DCC: variants seen among roughly 807,000 people sequenced by gnomAD.
DCC encodes netrin receptor DCC.
In DCC, 58 loss-of-function variants were observed where a neutral mutation model predicts 172.5. The ratio of observed to expected loss-of-function variants is 0.34; its 90% CI spans 0.27 to 0.42. The LOEUF (loss-of-function observed/expected upper bound fraction) is 0.42. Ranked by LOEUF, DCC falls within the 10% of genes least tolerant of loss-of-function variation. The probability of loss-of-function intolerance (pLI) is 1.00; values close to 1 mark genes in which losing one functional copy is unlikely to be tolerated. For missense variants in DCC, 1,740 were observed against 1,791.0 expected, an observed-to-expected ratio of 0.97 and a Z score of 0.51; for synonymous variants, 709 against 644.5, an observed-to-expected ratio of 1.10 and a Z score of -1.52.
chr18:53,199,562 T>C (rs2055503277), intron 9 of DCC, among the ~76,000 whole-genome samples: 2 of 151,794 alleles, frequency 1.3e-5, no homozygotes, highest in South Asian at 4.2e-4. Flanking sequence ...TATACATATC[T>C]TCATAATTAA....
intron 1 of DCC, among the ~76,000 whole-genome samples, chr18:52,479,745 A>G (rs1405913862): frequency 6.6e-6 from 1 of 152,282 alleles, no homozygotes; most frequent in Non-Finnish European, 1.5e-5. Context: ...CTGTACCAAC[A>G]TGGCTAGAAT....
chr18:53,181,008 A>G (rs963647274), intron 9 of DCC, among the ~76,000 whole-genome samples: 1 of 152,202 alleles, frequency 6.6e-6, no homozygotes, highest in Non-Finnish European at 1.5e-5. Context: ...TTTTGATTAA[A>G]AGCAAATTAG....
chr18:52,942,910 G>C (rs1206871906), intron 5 of DCC, among the ~76,000 whole-genome samples: 1 of 151,938 alleles, frequency 6.6e-6, no homozygotes, highest in Non-Finnish European at 1.5e-5. Flanking sequence ...AAGCAAACAG[G>C]GTCTGGCTTT....
At chr18:53,046,585 C>A (rs184808289) in intron 5 of DCC, among the ~76,000 whole-genome samples, 24 of 151,784 alleles carry the variant, frequency 1.6e-4, no homozygotes, top group African/African-American at 5.8e-4. Flanking sequence ...ATCAACATAA[C>A]ACTAATTTGC....
intron 7 of DCC, among the ~76,000 whole-genome samples, chr18:53,122,974 A>T (rs2043503963): frequency 6.6e-6 from 1 of 151,954 alleles, no homozygotes; most frequent in African/African-American, 2.4e-5. Context: ...AACAACCAAA[A>T]ATAGTTCTTG....
chr18:53,247,460 T>C (rs1202608168), intron 12 of DCC, among the ~76,000 whole-genome samples: 2 of 152,018 alleles, frequency 1.3e-5, no homozygotes, highest in Non-Finnish European at 2.9e-5. Context: ...GACATTAAAC[T>C]CCTCTACTTT....
intron 1 of DCC, among the ~76,000 whole-genome samples, chr18:52,412,228 A>T (rs544780867): frequency 3.3e-5 from 5 of 152,164 alleles, no homozygotes; most frequent in Non-Finnish European, 5.9e-5. Context: ...AGGCATGTAT[A>T]CACATGTATG....
chr18:52,408,366 T>C (rs894630747), intron 1 of DCC, among the ~76,000 whole-genome samples: 2 of 152,036 alleles, frequency 1.3e-5, no homozygotes, highest in Admixed American at 1.3e-4. Flanking sequence ...TTTTATTAAA[T>C]TTTCTTAAAG....
intron 2 of DCC, among the ~76,000 whole-genome samples, chr18:52,831,657 A>G (rs1471631107): frequency 2.0e-5 from 3 of 152,172 alleles, no homozygotes; most frequent in Non-Finnish European, 4.4e-5. Context: ...TGGAATTGCT[A>G]TCACCCAAGA....
chr18:53,304,584 G>T (rs1407008206), intron 12 of DCC, among the ~76,000 whole-genome samples: 1 of 152,044 alleles, frequency 6.6e-6, no homozygotes, highest in Admixed American at 6.6e-5. Flanking sequence ...AATATCCCCA[G>T]AGGATAAAGC....
intron 27 of DCC, among the ~76,000 whole-genome samples, chr18:53,509,609 G>C (rs2046225600): frequency 6.6e-6 from 1 of 152,144 alleles, no homozygotes; most frequent in Non-Finnish European, 1.5e-5. Flanking sequence ...GAACTTGTGG[G>C]TTTGGTAACT....
At chr18:52,353,294 C>T (rs922482440) in intron 1 of DCC, among the ~76,000 whole-genome samples, 1 of 152,096 alleles carries the variant, frequency 6.6e-6, no homozygotes, top group African/African-American at 2.4e-5. Context: ...TATAAGAACG[C>T]ATATTTTACA....
chr18:52,959,188 C>T (rs945345669), intron 5 of DCC, among the ~76,000 whole-genome samples: 1 of 151,930 alleles, frequency 6.6e-6, no homozygotes, highest in Admixed American at 6.6e-5. Context: ...AGAATTGAAT[C>T]GTGTGAATGA....
intron 13 of DCC, among the ~76,000 whole-genome samples, chr18:53,308,410 G>A (rs528224082): frequency 2.0e-5 from 3 of 152,002 alleles, no homozygotes; most frequent in East Asian, 1.9e-4. Flanking sequence ...TGTAACAACA[G>A]TATGATATGT....
chr18:52,925,159 T>A (rs2040181843), intron 4 of DCC, 75 bp from the exon 5 acceptor site: 9 of 1,412,286 alleles, frequency 6.4e-6, no homozygotes, highest in Non-Finnish European at 8.0e-6. Flanking sequence ...TTGGTGGAGG[T>A]CATTTAAAGC....
At chr18:52,825,169 T>C (rs1431067302) in intron 2 of DCC, among the ~76,000 whole-genome samples, 1 of 152,220 alleles carries the variant, frequency 6.6e-6, no homozygotes, top group East Asian at 1.9e-4. Flanking sequence ...ATTATTGTAA[T>C]GATATGACAA....
At chr18:52,540,632 A>T (rs1472828175) in intron 1 of DCC, among the ~76,000 whole-genome samples, 2 of 80,268 alleles carry the variant, frequency 2.5e-5, no homozygotes, top group African/African-American at 1.0e-4. Context: ...TTTGAGACTG[A>T]GTCTTGCTCT....
chr18:52,949,112 T>C (rs375855325), intron 5 of DCC, among the ~76,000 whole-genome samples: 11 of 152,236 alleles, frequency 7.2e-5, no homozygotes, highest in East Asian at 1.9e-4. Context: ...CTGTGATTAA[T>C]AGTCCCTGCC....
chr18:53,484,923 AAAT>A (rs1434260589), intron 25 of DCC, among the ~76,000 whole-genome samples: 3 of 152,112 alleles, frequency 2.0e-5, no homozygotes, highest in African/African-American at 7.2e-5. Context: ...TATATGTGTG[AAAT>A]AATACATATA....
Sources: gnomAD v4.1 joint callset for allele counts (sites outside exome capture counted in the v4.1 genomes callset) on GRCh38, gnomAD v4.1.1 for gene constraint, MANE v1.5 for transcripts, NCBI Gene and HGNC (gene_info 2026-07-23, HGNC 2026-07-21) for gene names.